Variants in TMEM135 observed in about 807,000 individuals in gnomAD.
TMEM135 encodes peroxisomal membrane protein 52.
In TMEM135, 30 loss-of-function variants were observed where a neutral mutation model predicts 60.3. That is an observed-to-expected ratio of 0.50 (90% CI 0.37 to 0.68). TMEM135 has a LOEUF of 0.68. Among genes scored for constraint, TMEM135 ranks in the 30% least tolerant of loss-of-function variants. The probability of loss-of-function intolerance (pLI) is 0.00; values close to 1 mark genes in which losing one functional copy is unlikely to be tolerated. For missense variants in TMEM135, 468 were observed against 548.8 expected (o/e 0.85, Z 1.47); for synonymous variants, 190 against 186.7 (o/e 1.02, Z -0.14).
chr11:87,301,126 T>C (rs1942440420), intron 7 of TMEM135, among the ~76,000 whole-genome samples: 1 of 152,172 alleles, frequency 6.6e-6, no homozygotes. Flanking sequence ...GCACACCCCT[T>C]ATGATTTGAT....
chr11:87,123,493 T>C (rs1338422880), intron 4 of TMEM135, among the ~76,000 whole-genome samples: 1 of 152,224 alleles, frequency 6.6e-6, no homozygotes, highest in Non-Finnish European at 1.5e-5. Context: ...TCTAATACAG[T>C]ATGACTTTAC....
intron 5 of TMEM135, chr11:87,157,620 C>T (rs1938737445): frequency 2.1e-6 from 1 of 471,678 alleles, no homozygotes; most frequent in East Asian, 3.7e-5. Context: ...GTCTTTTTAC[C>T]TTTAGTTATC....
intron 4 of TMEM135, among the ~76,000 whole-genome samples, chr11:87,128,655 C>T (rs1273525325): frequency 6.6e-6 from 1 of 152,146 alleles, no homozygotes; most frequent in Non-Finnish European, 1.5e-5. Context: ...TTATCTATTG[C>T]TGGTAGGAGT....
Position 87,306,008 on chromosome 11 carries a change from A to G in TMEM135, c.768+3A>G. On this transcript the variant is annotated splice_donor_region_variant and intron_variant, in intron 9 of 14. Transcript: ENST00000305494. The stretch of plus-strand genomic sequence containing the variant: ...ATTGCATCTCTTATTGCATTAAAGT[A>G]AGTATATGAAAGTATGTACTTTATT... 1.3e-6 allele frequency: 2 copies of G among 1,553,188 alleles called. No individual in the cohort carries two copies. Among genetic ancestry groups the G allele is most frequent in the Non-Finnish European group, 1.8e-6 (2 of 1,132,640 alleles).
chr11:87,143,050 A>G (rs1345925035), intron 4 of TMEM135, among the ~76,000 whole-genome samples: 1 of 151,678 alleles, frequency 6.6e-6, no homozygotes, highest in African/African-American at 2.4e-5. Context: ...TCTGGTATCT[A>G]TCTTCAAGAT....
intron 4 of TMEM135, among the ~76,000 whole-genome samples, chr11:87,122,661 A>G (rs1282761339): frequency 6.6e-6 from 1 of 151,974 alleles, no homozygotes; most frequent in Non-Finnish European, 1.5e-5. Flanking sequence ...GGGTTTCGCC[A>G]TGTTGGCCAG....
intron 5 of TMEM135, among the ~76,000 whole-genome samples, chr11:87,229,510 A>G (rs748585410): frequency 6.6e-6 from 1 of 152,120 alleles, no homozygotes; most frequent in Non-Finnish European, 1.5e-5. Flanking sequence ...AGCTACTTTC[A>G]TATGCTGTTG....
At chr11:87,203,453 A>G (rs1305911074) in intron 5 of TMEM135, among the ~76,000 whole-genome samples, 2 of 152,152 alleles carry the variant, frequency 1.3e-5, no homozygotes, top group Admixed American at 6.5e-5. Flanking sequence ...GAAACCATAC[A>G]ATATGCAGCC....
intron 3 of TMEM135, among the ~76,000 whole-genome samples, chr11:87,082,517 A>T (rs181124156): frequency 5.9e-5 from 9 of 152,332 alleles, no homozygotes; most frequent in Admixed American, 5.9e-4. Flanking sequence ...AAAATCAATG[A>T]TATGCTGGTG....
intron 4 of TMEM135, among the ~76,000 whole-genome samples, chr11:87,093,621 C>T (rs1479914159): frequency 6.6e-6 from 1 of 152,054 alleles, no homozygotes; most frequent in Non-Finnish European, 1.5e-5. Flanking sequence ...ACCACTGCCT[C>T]CTGGGTTCAA....
intron 2 of TMEM135, among the ~76,000 whole-genome samples, chr11:87,069,755 C>T (rs538639591): frequency 6.6e-6 from 1 of 152,220 alleles, no homozygotes; most frequent in South Asian, 2.1e-4. Context: ...AACTTAAGTC[C>T]TTTATGGATT....
chr11:87,232,983 T>G (rs1940920725), intron 5 of TMEM135, among the ~76,000 whole-genome samples: 1 of 152,146 alleles, frequency 6.6e-6, no homozygotes, highest in Non-Finnish European at 1.5e-5. Context: ...AAACCCCATC[T>G]CTACTAAAAA....
At chr11:87,118,732 G>A (rs372853073) in intron 4 of TMEM135, among the ~76,000 whole-genome samples, 6 of 152,178 alleles carry the variant, frequency 3.9e-5, no homozygotes, top group African/African-American at 7.2e-5. Flanking sequence ...GTGAGCCACC[G>A]TGCCCAGCCC....
chr11:87,176,320 C>T (rs139479145), intron 5 of TMEM135, among the ~76,000 whole-genome samples: 323 of 152,248 alleles, frequency 2.1e-3, no homozygotes, highest in African/African-American at 6.5e-3. Context: ...CTCCCCTTTG[C>T]CTTCTGTCAT....
chr11:87,169,757 G>T (rs890505882), intron 5 of TMEM135, among the ~76,000 whole-genome samples: 1 of 152,084 alleles, frequency 6.6e-6, no homozygotes, highest in Non-Finnish European at 1.5e-5. Flanking sequence ...TTCAACCTTG[G>T]TGAATCTGAC....
chr11:87,170,139 T>A (rs1591074374), intron 5 of TMEM135, among the ~76,000 whole-genome samples: 1 of 152,172 alleles, frequency 6.6e-6, no homozygotes, highest in Non-Finnish European at 1.5e-5. Flanking sequence ...CTCCATCAGG[T>A]CATTTATTTT....
chr11:87,096,133 C>T lies in TMEM135; in HGVS notation c.396+4738C>T, dbSNP rs552873854. 5.1e-4 allele frequency: 134 copies of T among 262,396 alleles called. 1 individual carries two copies. Among genetic ancestry groups the T allele is most frequent in the Admixed American group, 9.6e-4 (22 of 22,956 alleles). The allele number at this position is 262,396 out of a possible 1,614,324, so 16.3% of individuals were successfully genotyped here. On this transcript the variant is annotated intron_variant, in intron 4 of 14. Transcript: ENST00000305494. ...CCAATATAAAGAAAACCTACTTGTG[C>T]CAGTGTTGATGCTGAAACAGGACTA...
Position 87,275,020 on chromosome 11 carries a change from TAATA to T in TMEM135, c.510-20761_510-20758del, listed in dbSNP as rs538100555. 2.8e-3 allele frequency among the ~76,000 whole-genome samples: 433 copies of T among 152,024 alleles called. 2 individuals are homozygous for T. Among genetic ancestry groups the T allele is most frequent in the African/African-American group, 9.8e-3 (407 of 41,510 alleles). ...TTCTTTTTTTGTTTTATTATTAAATTAATATTTTGTTGTAATATTAAATGAATGA... is the reference window on the plus strand; with the variant it reads ...TTCTTTTTTTGTTTTATTATTAAATTTTTTGTTGTAATATTAAATGAATGA... On this transcript the variant is annotated intron_variant, in intron 6 of 14. Coordinates refer to ENST00000305494, the MANE Select transcript of TMEM135 (RefSeq NM_022918.4).
At chr11:87,146,214 T>C (rs995309799) in intron 4 of TMEM135, among the ~76,000 whole-genome samples, 1 of 152,202 alleles carries the variant, frequency 6.6e-6, no homozygotes, top group Admixed American at 6.5e-5. Context: ...TTTGTGGTAC[T>C]TTTGTCAAAA....
Sources: allele counts gnomAD v4.1 joint callset (sites outside exome capture counted in the v4.1 genomes callset), GRCh38; gene constraint gnomAD v4.1.1; transcripts MANE v1.5; gene names NCBI Gene and HGNC (gene_info 2026-07-23, HGNC 2026-07-21).